ABCC1: variants seen among roughly 807,000 people sequenced by gnomAD.
The protein encoded by ABCC1 is multidrug resistance-associated protein 1.
ABCC1 carries 83 observed loss-of-function variants against 172.9 expected under a neutral mutation model. The ratio of observed to expected loss-of-function variants is 0.48; its 90% CI spans 0.40 to 0.58. The LOEUF (loss-of-function observed/expected upper bound fraction) is 0.58. ABCC1 is among the 20% of genes least tolerant of loss of function. The pLI, the probability that ABCC1 is intolerant of heterozygous loss-of-function variation, is 0.00. For synonymous variants in ABCC1, 937 were observed against 825.2 expected, an observed-to-expected ratio of 1.14 and a Z score of -2.32; for missense variants, 1,817 against 2,002.7, an observed-to-expected ratio of 0.91 and a Z score of 1.77.
chr16:16,031,257 G>A (rs1269979539), intron 5 of ABCC1, among the ~76,000 whole-genome samples: 2 of 152,154 alleles, frequency 1.3e-5, no homozygotes, highest in Non-Finnish European at 2.9e-5. Context: ...GCACAAGGCT[G>A]GAACTTTGAG....
At chr16:16,126,115 G>A (rs967295339) in intron 26 of ABCC1, among the ~76,000 whole-genome samples, 1 of 152,202 alleles carries the variant, frequency 6.6e-6, no homozygotes, top group African/African-American at 2.4e-5. Context: ...CTTTACCCAA[G>A]ATCTGGGGTA....
chr16:15,986,314 TGGATCATCTA>T (rs1270376649), intron 1 of ABCC1, among the ~76,000 whole-genome samples: 2 of 152,138 alleles, frequency 1.3e-5, no homozygotes, highest in Non-Finnish European at 2.9e-5. Context: ...TGGGCCCACC[TGGATCATCTA>T]GGACAGGGGT....
At position 15,973,844 on chromosome 16, in the gene ABCC1, G is replaced by T. The variant is rs181560522; in HGVS notation, c.48+24045G>T. ...TTAAAAAAAAAAAAAAATTAGCCCG[G>T]TATGATGGTGCATGGCCATGGTCAC... On this transcript the variant is annotated intron_variant, in intron 1 of 30. Coordinates refer to ENST00000399410, the MANE Select transcript of ABCC1 (RefSeq NM_004996.4). Among the ~76,000 whole-genome samples the T allele has an allele frequency of 1.8e-4, 27 of 152,034 alleles. No individual in the cohort carries two copies. In the East Asian group the frequency reaches 4.3e-3, roughly 24 times the overall value.
chr16:16,111,701 C>T (rs1025498492), intron 22 of ABCC1, 119 bp downstream of exon 22: 8 of 864,940 alleles, frequency 9.2e-6, no homozygotes, highest in Non-Finnish European at 1.4e-5. Flanking sequence ...AAGCCAAACC[C>T]AGAAAAATGG....
At chr16:16,087,724 G>T (rs1281356105) in intron 18 of ABCC1, among the ~76,000 whole-genome samples, 2 of 152,232 alleles carry the variant, frequency 1.3e-5, no homozygotes, top group African/African-American at 4.8e-5. Flanking sequence ...CTCCTGCAAT[G>T]CTGGGATTAC....
chr16:16,090,078 TG>T (rs954516040), intron 18 of ABCC1, among the ~76,000 whole-genome samples: 3 of 152,214 alleles, frequency 2.0e-5, no homozygotes, highest in African/African-American at 7.2e-5. Flanking sequence ...GCTGTGTTTT[TG>T]CCATTCAGCA....
chr16:16,008,632 G>C (rs1200093191), intron 2 of ABCC1, among the ~76,000 whole-genome samples: 2 of 151,816 alleles, frequency 1.3e-5, no homozygotes, highest in African/African-American at 4.8e-5. Flanking sequence ...AGGCGGGCAG[G>C]TCAGGAGTTT....
At chr16:15,977,635 G>T (rs1299575739) in intron 1 of ABCC1, among the ~76,000 whole-genome samples, 1 of 152,048 alleles carries the variant, frequency 6.6e-6, no homozygotes, top group Non-Finnish European at 1.5e-5. Flanking sequence ...TTGGCCCTTC[G>T]AGATGGAGGT....
chr16:15,983,025 G>A (rs1334718274), intron 1 of ABCC1, among the ~76,000 whole-genome samples: 1 of 151,972 alleles, frequency 6.6e-6, no homozygotes, highest in Non-Finnish European at 1.5e-5. Flanking sequence ...AACATATACA[G>A]TATAAAATAG....
intron 16 of ABCC1, 135 bp from the exon 17 acceptor site, chr16:16,083,231 C>A: frequency 1.1e-6 from 1 of 880,996 alleles, no homozygotes; most frequent in Non-Finnish European, 1.8e-6. Context: ...CAGTTTCCCT[C>A]TTGCCAAAGC....
chr16:16,121,696 A>G lies in ABCC1; in HGVS notation c.3391-279A>G, dbSNP rs145691235. On this transcript the variant is annotated intron_variant, in intron 23 of 30. Coordinates refer to ENST00000399410, the MANE Select transcript of ABCC1 (RefSeq NM_004996.4). ...GAATGAGCACCTCAGGTTTTTTGTG[A>G]GGATTGAATGAACTGATGTTTGTAA... Among the ~76,000 whole-genome samples, 1,402 of 152,228 alleles carry G rather than the reference A, an allele frequency of 9.2e-3. 12 individuals carry two copies. Among genetic ancestry groups the G allele is most frequent in the Middle Eastern group, 0.027 (8 of 294 alleles).
chr16:16,117,457 C>T (rs1287377048), intron 23 of ABCC1, among the ~76,000 whole-genome samples: 1 of 152,170 alleles, frequency 6.6e-6, no homozygotes, highest in Non-Finnish European at 1.5e-5. Flanking sequence ...GGTGGGGACA[C>T]AGCCAAACCA....
At chr16:16,100,946 A>G (rs2051713331) in intron 19 of ABCC1, among the ~76,000 whole-genome samples, 1 of 152,190 alleles carries the variant, frequency 6.6e-6, no homozygotes, top group African/African-American at 2.4e-5. Context: ...ACTGGGCTGG[A>G]CACGAGGGCA....
chr16:15,992,694 C>G (rs1015588128), intron 1 of ABCC1, among the ~76,000 whole-genome samples: 1 of 152,228 alleles, frequency 6.6e-6, no homozygotes, highest in Non-Finnish European at 1.5e-5. Context: ...AGCCACTGTG[C>G]CTGGCCAGGG....
intron 29 of ABCC1, among the ~76,000 whole-genome samples, chr16:16,137,126 AT>A (rs2045944313): frequency 6.6e-6 from 1 of 152,102 alleles, no homozygotes; most frequent in African/African-American, 2.4e-5. Context: ...TGGTTCTGTT[AT>A]CCGTCTCCAT....
At chr16:16,100,366 G>C (rs996207213) in intron 19 of ABCC1, among the ~76,000 whole-genome samples, 7 of 152,046 alleles carry the variant, frequency 4.6e-5, no homozygotes, top group African/African-American at 1.7e-4. Context: ...TAGGAGAGCG[G>C]GGGGGCTCTC....
intron 1 of ABCC1, among the ~76,000 whole-genome samples, chr16:15,971,435 C>CT (rs1280425441): frequency 2.6e-5 from 4 of 152,196 alleles, no homozygotes; most frequent in African/African-American, 4.8e-5. Context: ...TGGCCTGGCT[C>CT]TAAGAGCCGG....
At chr16:16,073,156 T>C (rs1444301153) in intron 14 of ABCC1, among the ~76,000 whole-genome samples, 1 of 152,116 alleles carries the variant, frequency 6.6e-6, no homozygotes, top group Admixed American at 6.6e-5. Flanking sequence ...ATGTCCCAAC[T>C]TGTCCATTAC....
chr16:16,052,456 A>T (rs1398065280), intron 10 of ABCC1, among the ~76,000 whole-genome samples: 1 of 151,948 alleles, frequency 6.6e-6, no homozygotes, highest in Non-Finnish European at 1.5e-5. Flanking sequence ...AGAATCCTGC[A>T]GTTGTAATTT....
Sources: allele counts gnomAD v4.1 joint callset (sites outside exome capture counted in the v4.1 genomes callset), GRCh38; gene constraint gnomAD v4.1.1; transcripts MANE v1.5; gene names NCBI Gene and HGNC (gene_info 2026-07-23, HGNC 2026-07-21).